SYN3: variants seen among roughly 807,000 people sequenced by gnomAD.
The protein encoded by SYN3 is synapsin III, also known as synapsin-3.
In SYN3, 35 loss-of-function variants were observed where a neutral mutation model predicts 65.8. The observed-to-expected ratio is 0.53, with a 90% confidence interval of 0.41 to 0.70. The LOEUF (loss-of-function observed/expected upper bound fraction) is 0.70, where lower values mean the gene tolerates loss of function less well. Among genes scored for constraint, SYN3 ranks in the 30% least tolerant of loss-of-function variants. The probability of loss-of-function intolerance (pLI) is 0.00; values close to 1 mark genes in which losing one functional copy is unlikely to be tolerated. For missense variants in SYN3, 680 were observed against 749.0 expected, an observed-to-expected ratio of 0.91 and a Z score of 1.08; for synonymous variants, 270 against 292.9, an observed-to-expected ratio of 0.92 and a Z score of 0.80.
intron 4 of SYN3, 84 bp downstream of exon 4, chr22:32,931,306 G>A (rs967950835): frequency 3.6e-5 from 32 of 888,852 alleles, no homozygotes; most frequent in African/African-American, 1.1e-4. Context: ...GAGTTAGGTC[G>A]CAGGAAGTGG....
rs562859400 is a variant in SYN3, at chr22:32,728,171, T to C, written c.712-131435A>G. ...AATCTAGGCAATACCATTCAGGACA[T>C]AGGCACTGACAAAGGTTTCATGATG... On this transcript the variant is annotated intron_variant, in intron 6 of 13. Transcript: ENST00000358763. Among the ~76,000 whole-genome samples, 55 of 152,346 alleles carry C rather than the reference T, an allele frequency of 3.6e-4. 1 individual carries two copies. The South Asian group carries it at 0.011, about 29-fold the overall frequency.
chr22:32,980,820 G>T, intron 2 of SYN3, 118 bp from the exon 3 acceptor site: 1 of 816,914 alleles, frequency 1.2e-6, no homozygotes, highest in Non-Finnish European at 2.1e-6. Context: ...CCATCCTACT[G>T]TCTCCTCCCA....
intron 1 of SYN3, among the ~76,000 whole-genome samples, chr22:33,035,396 T>C (rs936372024): frequency 1.7e-5 from 2 of 119,576 alleles, no homozygotes; most frequent in African/African-American, 3.1e-5. Context: ...AGCTGAGTCA[T>C]TGCAACACCC....
At chr22:32,847,087 C>G (rs1050917964) in intron 6 of SYN3, among the ~76,000 whole-genome samples, 4 of 152,184 alleles carry the variant, frequency 2.6e-5, no homozygotes, top group Non-Finnish European at 5.9e-5. Context: ...TCCCACACCC[C>G]CCGGCCAAGA....
intron 6 of SYN3, among the ~76,000 whole-genome samples, chr22:32,747,972 G>GC (rs1162215806): frequency 2.0e-5 from 3 of 152,344 alleles, no homozygotes; most frequent in Admixed American, 2.0e-4. Flanking sequence ...GCTCTTGGCA[G>GC]CCTGAGCTCA....
chr22:32,631,491 G>A (rs1252941308), intron 6 of SYN3, among the ~76,000 whole-genome samples: 5 of 152,098 alleles, frequency 3.3e-5, no homozygotes, highest in Non-Finnish European at 7.3e-5. Flanking sequence ...GGACAAGAAG[G>A]AAAGAAAAAT....
chr22:32,726,771 G>T (rs1025716220), intron 6 of SYN3, among the ~76,000 whole-genome samples: 1 of 152,138 alleles, frequency 6.6e-6, no homozygotes, highest in African/African-American at 2.4e-5. Context: ...AAAACCTGAA[G>T]AAACTATTTA....
intron 6 of SYN3, among the ~76,000 whole-genome samples, chr22:32,690,147 G>T (rs909235239): frequency 1.3e-5 from 2 of 152,152 alleles, no homozygotes; most frequent in East Asian, 1.9e-4. Context: ...CTGCACTCCA[G>T]TCTGGCCAAC....
rs148593273 is a variant in SYN3 at position 32,535,174 on chromosome 22, C to A, written c.993-1279G>T. ...AAATCCAGATCCTGTCTGATTCCAG[C>A]TTCCAAGCAAGCCACCCTTCCTCTC... On this transcript the variant is annotated intron_variant, in intron 9 of 13. Coordinates refer to ENST00000358763, the MANE Select transcript of SYN3 (RefSeq NM_003490.4). Among the ~76,000 whole-genome samples, 371 of 152,342 alleles carry A rather than the reference C, an allele frequency of 2.4e-3. 1 individual carries two copies. The highest frequency in any genetic ancestry group is 7.1e-3 in the African/African-American group (297 of 41,586).
intron 2 of SYN3, among the ~76,000 whole-genome samples, chr22:32,993,736 CT>C (rs936275075): frequency 4.2e-4 from 64 of 152,256 alleles, no homozygotes; most frequent in Non-Finnish European, 1.5e-4. Context: ...GATAGAAAGT[CT>C]TTTGGGGGCC....
chr22:32,553,559 A>G (rs936123638), intron 7 of SYN3, among the ~76,000 whole-genome samples: 4 of 152,314 alleles, frequency 2.6e-5, no homozygotes, highest in African/African-American at 9.6e-5. Flanking sequence ...CAAAGTTGCT[A>G]TTTCCCAAAG....
chr22:32,702,205 C>T (rs1177183186), intron 6 of SYN3, among the ~76,000 whole-genome samples: 2 of 152,218 alleles, frequency 1.3e-5, no homozygotes, highest in Non-Finnish European at 2.9e-5. Context: ...CGGCCAGGCG[C>T]TATGGCTCAT....
intron 10 of SYN3, among the ~76,000 whole-genome samples, chr22:32,532,105 A>C (rs2146171233): frequency 6.6e-6 from 1 of 152,404 alleles, no homozygotes; most frequent in South Asian, 2.1e-4. Context: ...GGGTCAGGGC[A>C]GTCCGGGAGC....
intron 4 of SYN3, among the ~76,000 whole-genome samples, chr22:32,909,520 C>A (rs1240882500): frequency 6.6e-6 from 1 of 152,170 alleles, no homozygotes; most frequent in Non-Finnish European, 1.5e-5. Flanking sequence ...ATCTATTAGG[C>A]ATGTTTTATC....
chr22:32,576,781 C>CT (rs1323015028), intron 7 of SYN3, among the ~76,000 whole-genome samples: 3 of 152,010 alleles, frequency 2.0e-5, no homozygotes, highest in Non-Finnish European at 4.4e-5. Context: ...CAGTTTCTTC[C>CT]TAATGGGGCC....
intron 1 of SYN3, chr22:33,015,493 C>T (rs2053448387): frequency 5.0e-6 from 1 of 200,510 alleles, no homozygotes; most frequent in Non-Finnish European, 1.1e-5. Flanking sequence ...TAGCTGACAA[C>T]CAGTGCCAGC....
At chr22:32,518,468 A>C (rs767293079) in intron 12 of SYN3, 134 bp from the exon 13 acceptor site, 98 of 1,028,940 alleles carry the variant, frequency 9.5e-5, no homozygotes, top group Non-Finnish European at 1.3e-4. Context: ...AAACCGTATA[A>C]ATACCTAACC....
intron 3 of SYN3, among the ~76,000 whole-genome samples, chr22:32,951,919 T>C (rs2146830068): frequency 6.6e-6 from 1 of 152,342 alleles, no homozygotes. Context: ...CGGCCTCTTC[T>C]GACTGCTCCA....
chr22:32,668,158 G>C (rs899551363), intron 6 of SYN3, among the ~76,000 whole-genome samples: 2 of 152,166 alleles, frequency 1.3e-5, no homozygotes, highest in Non-Finnish European at 2.9e-5. Flanking sequence ...TTACCACAAG[G>C]AGTGATATAA....
Sources: allele counts gnomAD v4.1 joint callset (sites outside exome capture counted in the v4.1 genomes callset), GRCh38; gene constraint gnomAD v4.1.1; transcripts MANE v1.5; gene names NCBI Gene and HGNC (gene_info 2026-07-23, HGNC 2026-07-21).